SUGCT: variants seen among roughly 807,000 people sequenced by gnomAD.
The protein encoded by SUGCT is succinyl-CoA:glutarate CoA-transferase.
Under a neutral mutation model 55.0 loss-of-function variants are expected in SUGCT, and 41 were observed. That is an observed-to-expected ratio of 0.74 (90% confidence interval 0.58 to 0.97). The LOEUF is 0.97. SUGCT is among the 50% of genes least tolerant of loss of function. The pLI, the probability that SUGCT is intolerant of heterozygous loss-of-function variation, is 0.00. For missense variants in SUGCT, 568 were observed against 547.8 expected (o/e 1.04, Z -0.37); for synonymous variants, 187 against 200.4 (o/e 0.93, Z 0.56).
intron 9 of SUGCT, among the ~76,000 whole-genome samples, chr7:40,442,767 C>T (rs1378061360): frequency 6.6e-6 from 1 of 152,086 alleles, no homozygotes; most frequent in Non-Finnish European, 1.5e-5. Context: ...TACATGTTTA[C>T]AACGTGCAGG....
At chr7:40,934,502 C>T in the SUGCT span, among the ~76,000 whole-genome samples, 2 of 152,182 alleles carry the variant, frequency 1.3e-5, no homozygotes, top group Non-Finnish European at 2.9e-5. Flanking sequence ...TTTAAGTCTG[C>T]AGAAGTTTCT....
chr7:40,584,176 TTGTGTG>T (rs1243609841), intron 12 of SUGCT, among the ~76,000 whole-genome samples: 1 of 152,204 alleles, frequency 6.6e-6, no homozygotes, highest in East Asian at 1.9e-4. Flanking sequence ...GGGTGTGTCC[TTGTGTG>T]TGTATTATTC....
chr7:40,531,372 T>G (rs532888794), intron 12 of SUGCT, among the ~76,000 whole-genome samples: 162 of 152,176 alleles, frequency 1.1e-3, no homozygotes, highest in African/African-American at 3.7e-3. Flanking sequence ...GTGGGTCTTC[T>G]GACCCCAAAT....
At chr7:40,195,222 C>CTTT (rs11326653) in intron 6 of SUGCT, among the ~76,000 whole-genome samples, 162 bp downstream of exon 6, 2 of 101,298 alleles carry the variant, frequency 2.0e-5, no homozygotes, top group Non-Finnish European at 3.8e-5. Context: ...TTTCTTTTTT[C>CTTT]TTTTTTTTTT....
chr7:40,190,553 A>G (rs565133457), intron 5 of SUGCT, among the ~76,000 whole-genome samples: 2 of 152,252 alleles, frequency 1.3e-5, no homozygotes, highest in South Asian at 4.1e-4. Flanking sequence ...CCAGCCCAAT[A>G]GTACCTACTC....
intron 12 of SUGCT, among the ~76,000 whole-genome samples, chr7:40,577,076 A>C (rs1043860964): frequency 1.3e-5 from 2 of 152,224 alleles, no homozygotes; most frequent in Non-Finnish European, 2.9e-5. Flanking sequence ...ACTGTGTTTT[A>C]ATAAGACCTG....
At chr7:40,732,468 C>G (rs1490799770) in intron 12 of SUGCT, among the ~76,000 whole-genome samples, 2 of 152,140 alleles carry the variant, frequency 1.3e-5, no homozygotes, top group African/African-American at 4.8e-5. Flanking sequence ...ATTATTCAAC[C>G]TGTTATAGGC....
chr7:40,781,234 T>C (rs1789728149), intron 13 of SUGCT, among the ~76,000 whole-genome samples: 1 of 152,226 alleles, frequency 6.6e-6, no homozygotes, highest in African/African-American at 2.4e-5. Flanking sequence ...TCTGTATTCT[T>C]AGCCTTGGGC....
chr7:40,332,164 A>G (rs570111418), intron 9 of SUGCT, among the ~76,000 whole-genome samples: 3 of 152,316 alleles, frequency 2.0e-5, no homozygotes, highest in African/African-American at 7.2e-5. Context: ...TTACTTGGTT[A>G]GCAGCAGTCT....
chr7:40,929,283 A>G, the SUGCT span, among the ~76,000 whole-genome samples: 1 of 152,146 alleles, frequency 6.6e-6, no homozygotes, highest in African/African-American at 2.4e-5. Context: ...ATAGTATTCC[A>G]TGGTGTATAT....
At chr7:40,682,837 G>T (rs1784314053) in intron 12 of SUGCT, among the ~76,000 whole-genome samples, 1 of 151,260 alleles carries the variant, frequency 6.6e-6, no homozygotes, top group African/African-American at 2.4e-5. Flanking sequence ...TTTTGTGAAT[G>T]TGGATCTAAG....
chr7:40,638,306 C>CT (rs1458565774), intron 12 of SUGCT, among the ~76,000 whole-genome samples: 3 of 152,060 alleles, frequency 2.0e-5, no homozygotes, highest in Non-Finnish European at 4.4e-5. Context: ...CAGATTCAAG[C>CT]TTTTTGCTTT....
chr7:40,314,720 A>G (rs559169205), intron 8 of SUGCT, among the ~76,000 whole-genome samples: 1 of 151,914 alleles, frequency 6.6e-6, no homozygotes, highest in African/African-American at 2.4e-5. Context: ...ATGTGCCACC[A>G]TGCCTGGCTA....
chr7:40,333,760 C>CT (rs61249581), intron 9 of SUGCT, among the ~76,000 whole-genome samples: 95,700 of 133,112 alleles, frequency 0.72, 34,584 homozygotes, highest in East Asian at 0.99. Context: ...ACCAGTGGCT[C>CT]TTTTTTTTTA....
At chr7:40,859,913 G>C (rs1477618218) in intron 13 of SUGCT, among the ~76,000 whole-genome samples, 2 of 152,204 alleles carry the variant, frequency 1.3e-5, no homozygotes, top group African/African-American at 2.4e-5. Context: ...CTGCTGGGTT[G>C]CTTTCACCTG....
At chr7:40,609,047 A>G (rs1240793954) in intron 12 of SUGCT, among the ~76,000 whole-genome samples, 2 of 152,184 alleles carry the variant, frequency 1.3e-5, no homozygotes, top group East Asian at 1.9e-4. Flanking sequence ...AAGGTATGCT[A>G]GGAATAACAT....
chr7:40,853,256 T>G (rs1246258524), intron 13 of SUGCT, among the ~76,000 whole-genome samples: 2 of 152,204 alleles, frequency 1.3e-5, no homozygotes, highest in African/African-American at 4.8e-5. Flanking sequence ...TGTATTACTA[T>G]GTGTAATAAT....
At chr7:41,027,077 A>G in the SUGCT span, among the ~76,000 whole-genome samples, 1 of 152,158 alleles carries the variant, frequency 6.6e-6, no homozygotes, top group South Asian at 2.1e-4. Context: ...AAAAACAAAA[A>G]CATCTTTCTA....
the SUGCT span, among the ~76,000 whole-genome samples, chr7:41,007,246 G>T: frequency 6.6e-6 from 1 of 152,020 alleles, no homozygotes; most frequent in African/African-American, 2.4e-5. Flanking sequence ...TTCTCAAGTG[G>T]CACCCTGACT....
Sources: gnomAD v4.1 joint callset for allele counts (sites outside exome capture counted in the v4.1 genomes callset) on GRCh38, gnomAD v4.1.1 for gene constraint, MANE v1.5 for transcripts, NCBI Gene and HGNC (gene_info 2026-07-23, HGNC 2026-07-21) for gene names.